PDE7B: variants seen among roughly 807,000 people sequenced by gnomAD.
PDE7B encodes the protein 3',5'-cyclic-AMP phosphodiesterase 7B.
In PDE7B, 29 loss-of-function variants were observed where a neutral mutation model predicts 56.2. The observed-to-expected ratio is 0.52, with a 90% CI of 0.38 to 0.70. PDE7B has a LOEUF of 0.70. PDE7B is among the 30% of genes least tolerant of loss of function. PDE7B has a pLI of 0.00. For missense variants in PDE7B, 490 were observed against 565.0 expected (o/e 0.87, Z 1.35); for synonymous variants, 197 against 196.9 (o/e 1.00, Z 0.00).
At chr6:136,172,672 C>A (rs1398084614) in intron 8 of PDE7B, among the ~76,000 whole-genome samples, 3 of 151,056 alleles carry the variant, frequency 2.0e-5, no homozygotes, top group Non-Finnish European at 3.0e-5. Context: ...GCTTTTGTTG[C>A]CATTGCTTTT....
intron 1 of PDE7B, among the ~76,000 whole-genome samples, chr6:135,921,615 A>G (rs1774083218): frequency 6.6e-6 from 1 of 152,074 alleles, no homozygotes; most frequent in Non-Finnish European, 1.5e-5. Flanking sequence ...CTTTATAAAA[A>G]CAGGTTTCCA....
chr6:135,994,850 C>T (rs1175739362), intron 2 of PDE7B, among the ~76,000 whole-genome samples: 1 of 152,164 alleles, frequency 6.6e-6, no homozygotes, highest in Non-Finnish European at 1.5e-5. Context: ...AAAAATATTA[C>T]TACAGAAAAT....
In PDE7B at chr6:135,985,200, T is replaced by C. The variant is rs138600568; in HGVS notation, c.82+37676T>C. ...GCTGTGTTTTCCAAAAGTTCAGGGG[T>C]AAATGCCACTGAGGGAAAAAAAACC... On this transcript the variant is annotated intron_variant, in intron 2 of 12. Coordinates refer to ENST00000308191, the MANE Select transcript of PDE7B (RefSeq NM_018945.4). 3.9e-5 allele frequency among the ~76,000 whole-genome samples: 6 copies of C among 152,236 alleles called. 1 individual carries two copies. Among genetic ancestry groups the C allele is most frequent in the African/African-American group, 1.4e-4 (6 of 41,540 alleles).
At chr6:136,141,573 T>G (rs906115309) in intron 3 of PDE7B, among the ~76,000 whole-genome samples, 1 of 152,210 alleles carries the variant, frequency 6.6e-6, no homozygotes, top group Admixed American at 6.5e-5. Flanking sequence ...GTGGTAGAAT[T>G]TGGCTGTGAA....
chr6:136,068,245 G>C (rs941432725), intron 2 of PDE7B, among the ~76,000 whole-genome samples: 1 of 152,094 alleles, frequency 6.6e-6, no homozygotes, highest in Admixed American at 6.5e-5. Context: ...ATGTACATTG[G>C]TTCTGTCCGG....
At chr6:136,162,983 TG>T (rs891067562) in intron 8 of PDE7B, among the ~76,000 whole-genome samples, 2 of 152,200 alleles carry the variant, frequency 1.3e-5, no homozygotes, top group African/African-American at 4.8e-5. Flanking sequence ...GCTGCTTTCA[TG>T]GGATGGCATT....
chr6:136,057,675 G>A (rs1001514196), intron 2 of PDE7B, among the ~76,000 whole-genome samples: 2 of 152,190 alleles, frequency 1.3e-5, no homozygotes, highest in East Asian at 3.8e-4. Context: ...AAAAACCCAT[G>A]TCATCACAAA....
chr6:135,900,456 A>G (rs1395540200), intron 1 of PDE7B, among the ~76,000 whole-genome samples: 1 of 152,066 alleles, frequency 6.6e-6, no homozygotes, highest in African/African-American at 2.4e-5. Context: ...CCAGTTTTCT[A>G]TAGTATTAAT....
chr6:135,944,651 G>T (rs147347301), intron 1 of PDE7B, among the ~76,000 whole-genome samples: 1 of 152,244 alleles, frequency 6.6e-6, no homozygotes, highest in African/African-American at 2.4e-5. Flanking sequence ...GGCAGGCCAT[G>T]ACTGTTAAGG....
intron 9 of PDE7B, among the ~76,000 whole-genome samples, chr6:136,176,671 ATTAT>A (rs1215427075): frequency 7.2e-5 from 11 of 152,242 alleles, no homozygotes; most frequent in African/African-American, 2.6e-4. Flanking sequence ...TGTTGGTCAG[ATTAT>A]TTATGTTCAT....
At chr6:136,188,099 C>G (rs1779169304) in intron 12 of PDE7B, among the ~76,000 whole-genome samples, 1 of 152,066 alleles carries the variant, frequency 6.6e-6, no homozygotes, top group African/African-American at 2.4e-5. Context: ...TTAAGAAAAC[C>G]AGGGTAAGTT....
chr6:136,156,931 C>T (rs1778619242), intron 8 of PDE7B, among the ~76,000 whole-genome samples: 1 of 152,090 alleles, frequency 6.6e-6, no homozygotes. Flanking sequence ...TTCAGTTCAA[C>T]AAACTGTTTA....
chr6:136,099,449 C>T (rs1777525377), intron 2 of PDE7B, among the ~76,000 whole-genome samples: 1 of 152,186 alleles, frequency 6.6e-6, no homozygotes, highest in Non-Finnish European at 1.5e-5. Flanking sequence ...TGTTTCCTGA[C>T]TTTTTAATGA....
intron 2 of PDE7B, chr6:136,038,121 C>A: frequency 7.6e-7 from 1 of 1,316,356 alleles, no homozygotes; most frequent in Non-Finnish European, 1.0e-6. Flanking sequence ...GCTTGTCTTT[C>A]CGAAGCTGGA....
intron 1 of PDE7B, among the ~76,000 whole-genome samples, chr6:135,900,033 G>C (rs9494411): frequency 0.022 from 3,311 of 152,104 alleles, 132 homozygotes; most frequent in African/African-American, 0.075. Flanking sequence ...AGAAATTAAT[G>C]TTGTAAACAA....
intron 2 of PDE7B, among the ~76,000 whole-genome samples, chr6:136,033,546 A>C (rs1776277472): frequency 6.6e-6 from 1 of 152,102 alleles, no homozygotes. Context: ...CAGAGTGAAC[A>C]AGAGAATGAT....
chr6:135,906,827 T>TTTTTTTTTTTTTTTTTTGTTTTG (rs1554265693), intron 1 of PDE7B, among the ~76,000 whole-genome samples: 1 of 133,454 alleles, frequency 7.5e-6, no homozygotes, highest in Non-Finnish European at 1.6e-5. Context: ...TTTTTTTTTT[T>TTTTTTTTTTTTTTTTTTGTTTTG]TTTTTTTTTA....
In PDE7B at chr6:135,980,930, C is replaced by G. The variant is rs565787942; in HGVS notation, c.82+33406C>G. Among the ~76,000 whole-genome samples, 766 of 149,178 alleles carry G rather than the reference C, an allele frequency of 5.1e-3. 6 individuals carry two copies. The highest frequency in any genetic ancestry group is 0.018 in the African/African-American group (736 of 40,366). ...ACCATTTGACCCAGCCATCCCATTACTGGGTATATACCCAAAGGACTATAA... is the reference window on the plus strand; with the variant it reads ...ACCATTTGACCCAGCCATCCCATTAGTGGGTATATACCCAAAGGACTATAA... On this transcript the variant is annotated intron_variant, in intron 2 of 12. Coordinates refer to ENST00000308191, the MANE Select transcript of PDE7B (RefSeq NM_018945.4).
At chr6:135,905,492 A>G (rs1776083273) in intron 1 of PDE7B, among the ~76,000 whole-genome samples, 1 of 152,176 alleles carries the variant, frequency 6.6e-6, no homozygotes, top group Non-Finnish European at 1.5e-5. Context: ...TGCTTAAAAC[A>G]TCCAATACGG....
Sources: gnomAD v4.1 joint callset for allele counts (sites outside exome capture counted in the v4.1 genomes callset) on GRCh38, gnomAD v4.1.1 for gene constraint, MANE v1.5 for transcripts, NCBI Gene and HGNC (gene_info 2026-07-23, HGNC 2026-07-21) for gene names.